The following C14orf39 variants were observed in gnomAD, a reference collection of about 807,000 sequenced individuals.
C14orf39 encodes the protein protein SIX6OS1.
In C14orf39, 66 loss-of-function variants were observed where a neutral mutation model predicts 85.6. That is an observed-to-expected ratio of 0.77 (90% CI 0.63 to 0.95). C14orf39 has a LOEUF of 0.95. C14orf39 is among the 40% of genes least tolerant of loss of function. C14orf39 has a pLI of 0.00. For missense variants in C14orf39, 735 were observed against 663.9 expected (o/e 1.11, Z -1.18); for synonymous variants, 242 against 214.0 (o/e 1.13, Z -1.14).
At chr14:60,441,615 T>C (rs546232891) in intron 17 of C14orf39, among the ~76,000 whole-genome samples, 1 of 152,316 alleles carries the variant, frequency 6.6e-6, no homozygotes, top group South Asian at 2.1e-4. Context: ...TCTTGTCCAC[T>C]GTCACCACAG....
chr14:60,488,670 T>C (rs1892940239), upstream of C14orf39, among the ~76,000 whole-genome samples: 2 of 152,208 alleles, frequency 1.3e-5, no homozygotes, highest in African/African-American at 2.4e-5. Context: ...ATTTATCTAA[T>C]AGGAAGCTTG....
At chr14:60,490,926 T>G (rs1892980773), upstream of C14orf39, among the ~76,000 whole-genome samples, 2 of 152,180 alleles carry the variant, frequency 1.3e-5, no homozygotes, top group Admixed American at 6.5e-5. Flanking sequence ...CAATTCAAAA[T>G]CTTGGGTAGA....
intron 1 of C14orf39, among the ~76,000 whole-genome samples, chr14:60,506,851 A>C (rs1162204382): frequency 6.6e-6 from 1 of 152,218 alleles, no homozygotes; most frequent in Admixed American, 6.5e-5. Flanking sequence ...TTATTTGCAG[A>C]ACTATTATCC....
chr14:60,472,508 G>A (rs952524452), intron 5 of C14orf39, among the ~76,000 whole-genome samples: 9 of 152,054 alleles, frequency 5.9e-5, no homozygotes, highest in East Asian at 5.8e-4. Flanking sequence ...CCATTAACTC[G>A]TCATTTAGCA....
At chr14:60,467,808 T>C (rs1025764608) in intron 9 of C14orf39, among the ~76,000 whole-genome samples, 21 of 151,522 alleles carry the variant, frequency 1.4e-4, no homozygotes, top group African/African-American at 2.2e-4. Context: ...TTAAGGGCCA[T>C]GGAACTTGAG....
chr14:60,513,539 C>T (rs1416279418), intron 1 of C14orf39, among the ~76,000 whole-genome samples: 1 of 152,170 alleles, frequency 6.6e-6, no homozygotes, highest in Non-Finnish European at 1.5e-5. Flanking sequence ...TCTTGTTCCC[C>T]AGCCCCACCC....
At chr14:60,462,589 T>C (rs1217048788) in intron 11 of C14orf39, among the ~76,000 whole-genome samples, 1 of 152,116 alleles carries the variant, frequency 6.6e-6, no homozygotes, top group African/African-American at 2.4e-5. Flanking sequence ...TTCTGTCATC[T>C]TACTGTGCTC....
chr14:60,496,180 T>C (rs1893067053), intron 2 of C14orf39: 1 of 451,064 alleles, frequency 2.2e-6, no homozygotes, highest in African/African-American at 2.0e-5. Flanking sequence ...TCCCCTGATG[T>C]GAGTACAGGA....
chr14:60,489,440 C>G (rs1892952657), upstream of C14orf39, among the ~76,000 whole-genome samples: 1 of 152,156 alleles, frequency 6.6e-6, no homozygotes, highest in Non-Finnish European at 1.5e-5. Flanking sequence ...AAAATAATTT[C>G]TATAAAGCCC....
At chr14:60,499,593 A>C (rs1893111617) in intron 1 of C14orf39, among the ~76,000 whole-genome samples, 1 of 152,242 alleles carries the variant, frequency 6.6e-6, no homozygotes, top group South Asian at 2.1e-4. Flanking sequence ...GAATAGTAGG[A>C]GAAGGAAATA....
chr14:60,490,206 C>G (rs1892965873), upstream of C14orf39, among the ~76,000 whole-genome samples: 2 of 152,142 alleles, frequency 1.3e-5, no homozygotes, highest in South Asian at 4.1e-4. Context: ...ACAGGTGACT[C>G]ACAATGTGTA....
At chr14:60,467,563 A>T (rs1457443234) in intron 9 of C14orf39, among the ~76,000 whole-genome samples, 1 of 151,896 alleles carries the variant, frequency 6.6e-6, no homozygotes, top group Non-Finnish European at 1.5e-5. Flanking sequence ...ATATTGAGTT[A>T]AAAATGACTA....
At chr14:60,475,312 C>T (rs1238649634) in intron 5 of C14orf39, among the ~76,000 whole-genome samples, 3 of 151,826 alleles carry the variant, frequency 2.0e-5, no homozygotes, top group African/African-American at 4.8e-5. Flanking sequence ...GTCTTGCTGG[C>T]GGTCTATCAA....
chr14:60,504,094 T>C (rs1893177053), intron 1 of C14orf39, among the ~76,000 whole-genome samples: 1 of 152,204 alleles, frequency 6.6e-6, no homozygotes, highest in African/African-American at 2.4e-5. Context: ...TCTCCAGATA[T>C]TGACAAATGT....
At chr14:60,474,674 G>A (rs1325969801) in intron 5 of C14orf39, among the ~76,000 whole-genome samples, 17 of 151,842 alleles carry the variant, frequency 1.1e-4, no homozygotes, top group South Asian at 2.1e-4. Context: ...GGTTTTTGTT[G>A]TTGGTTCTGT....
intron 2 of C14orf39, among the ~76,000 whole-genome samples, chr14:60,492,858 C>T (rs1305266803): frequency 6.6e-6 from 1 of 152,134 alleles, no homozygotes; most frequent in Non-Finnish European, 1.5e-5. Context: ...TCTAACTTTG[C>T]AGCCTCCAAG....
intron 5 of C14orf39, 30 bp from the exon 6 acceptor site, chr14:60,471,769 A>G (rs745929344): frequency 1.5e-6 from 2 of 1,326,524 alleles, no homozygotes; most frequent in Non-Finnish European, 2.1e-6. Flanking sequence ...TGATGTTTAT[A>G]TAACAACAAC....
rs775501287 is a variant in C14orf39 at position 60,485,067 on chromosome 14, G to A, written c.12C>T (p.Ser4=). The A allele has an allele frequency of 3.7e-6, 6 of 1,608,286 alleles. No individual in the cohort carries two copies. Among genetic ancestry groups the A allele is most frequent in the Non-Finnish European group, 5.1e-6 (6 of 1,178,834 alleles). Residue 4 remains serine (S), a synonymous_variant, in exon 2 of 18, where the codon AGC becomes AGT. Coordinates refer to ENST00000321731, the MANE Select transcript of C14orf39 (RefSeq NM_174978.3). The part of the protein sequence containing the change: MND[S]LFVSLDRLLL... ...AAAGTCTGTCCAAACTGACAAACAG[G>A]CTGTCATTCATCTTGGATACTATGT... is the stretch of plus-strand genomic sequence containing the variant.
rs118156803 is a variant in C14orf39, at chr14:60,465,620, C to T, written c.972+359G>A. Among the ~76,000 whole-genome samples, 175 of 152,208 alleles carry T rather than the reference C, an allele frequency of 1.1e-3. 2 individuals are homozygous for T. In the East Asian group the frequency reaches 0.02, roughly 17 times the overall value. On this transcript the variant is annotated intron_variant, in intron 11 of 17. Coordinates refer to ENST00000321731, the MANE Select transcript of C14orf39 (RefSeq NM_174978.3). ...TCTTGTAGAACGGTATTCTCCTATG[C>T]ATGTCCTGGGCAATAATTTCCCTCT...
Sources: gnomAD v4.1 joint callset for allele counts (sites outside exome capture counted in the v4.1 genomes callset) on GRCh38, gnomAD v4.1.1 for gene constraint, MANE v1.5 for transcripts, NCBI Gene and HGNC (gene_info 2026-07-23, HGNC 2026-07-21) for gene names.